The following SLC17A8 variants were observed in gnomAD, a reference collection of about 807,000 sequenced individuals.
SLC17A8 encodes the protein vesicular glutamate transporter 3.
SLC17A8 carries 31 observed loss-of-function variants against 58.0 expected under a neutral mutation model. The ratio of observed to expected loss-of-function variants is 0.53; its 90% CI spans 0.40 to 0.72. SLC17A8 has a LOEUF of 0.72. Ranked by LOEUF, SLC17A8 falls within the 30% of genes least tolerant of loss-of-function variation. SLC17A8 has a pLI of 0.00. For synonymous variants in SLC17A8, 228 were observed against 249.0 expected, an observed-to-expected ratio of 0.92 and a Z score of 0.79; for missense variants, 655 against 727.8, an observed-to-expected ratio of 0.90 and a Z score of 1.15.
At chr12:100,390,271 A>G (rs1269124211) in intron 2 of SLC17A8, among the ~76,000 whole-genome samples, 1 of 151,898 alleles carries the variant, frequency 6.6e-6, no homozygotes. Context: ...ATTAATATAA[A>G]TACATATATA....
At chr12:100,397,983 T>C (rs747369217) in intron 5 of SLC17A8, among the ~76,000 whole-genome samples, 1 of 151,952 alleles carries the variant, frequency 6.6e-6, no homozygotes, top group Non-Finnish European at 1.5e-5. Flanking sequence ...AGTCACAGTG[T>C]GGCCTAGGCA....
intron 10 of SLC17A8, among the ~76,000 whole-genome samples, chr12:100,417,236 A>G (rs994245434): frequency 1.3e-5 from 2 of 152,218 alleles, no homozygotes; most frequent in African/African-American, 4.8e-5. Flanking sequence ...GAAGACCTCA[A>G]AGAGAGGGAG....
rs1487768158 is a variant in SLC17A8, at chr12:100,380,963, A to C, written c.354+10A>C. ...AAAACCGGAAATTCAGGTTGGTATC[A>C]GTCCATGGTGGAAGACTTTTCTTTT... On this transcript the variant is annotated intron_variant, in intron 2 of 11. Coordinates refer to ENST00000323346, the MANE Select transcript of SLC17A8 (RefSeq NM_139319.3). 6.2e-7 allele frequency: 1 copy of C among 1,613,906 alleles called. No homozygotes were observed. Among genetic ancestry groups the C allele is most frequent in the South Asian group, 1.1e-5 (1 of 91,066 alleles).
intron 1 of SLC17A8, among the ~76,000 whole-genome samples, chr12:100,377,471 C>T (rs182082789): frequency 6.6e-6 from 1 of 151,238 alleles, no homozygotes; most frequent in African/African-American, 2.4e-5. Flanking sequence ...TAAAGTCACA[C>T]AGCTGAGTAA....
At chr12:100,393,965 G>A (rs1037936633) in intron 4 of SLC17A8, among the ~76,000 whole-genome samples, 8 of 152,314 alleles carry the variant, frequency 5.3e-5, no homozygotes, top group African/African-American at 1.9e-4. Flanking sequence ...CAACCCTGCT[G>A]TTATAGTGCA....
intron 10 of SLC17A8, among the ~76,000 whole-genome samples, chr12:100,413,716 G>A (rs773717185): frequency 6.6e-5 from 10 of 152,106 alleles, no homozygotes; most frequent in African/African-American, 1.2e-4. Context: ...TGGCTTACGC[G>A]TGTAATCGCA....
At chr12:100,377,675 G>A (rs146683674) in intron 1 of SLC17A8, among the ~76,000 whole-genome samples, 1 of 138,296 alleles carries the variant, frequency 7.2e-6, no homozygotes, top group African/African-American at 2.7e-5. Context: ...TGCAGCCTCC[G>A]CCTCCCAGAT....
intron 5 of SLC17A8, among the ~76,000 whole-genome samples, chr12:100,401,529 T>C (rs1173928268): frequency 6.6e-6 from 1 of 152,094 alleles, no homozygotes; most frequent in East Asian, 1.9e-4. Context: ...AATTCCAAAC[T>C]GTGATGCTGG....
At chr12:100,382,084 A>T (rs1952641799) in intron 2 of SLC17A8, among the ~76,000 whole-genome samples, 1 of 152,228 alleles carries the variant, frequency 6.6e-6, no homozygotes, top group African/African-American at 2.4e-5. Context: ...GATGCACAGG[A>T]TTCCATCCAC....
intron 9 of SLC17A8, among the ~76,000 whole-genome samples, chr12:100,407,341 G>A (rs889940866): frequency 6.6e-5 from 10 of 152,100 alleles, no homozygotes; most frequent in African/African-American, 2.4e-4. Flanking sequence ...ATATTTTGTG[G>A]GAATGTCTTG....
At chr12:100,384,963 C>T (rs1952662711) in intron 2 of SLC17A8, among the ~76,000 whole-genome samples, 1 of 152,142 alleles carries the variant, frequency 6.6e-6, no homozygotes, top group African/African-American at 2.4e-5. Flanking sequence ...TCACTGCCCT[C>T]CACAGTGGAA....
rs181555881 is a variant in SLC17A8, at chr12:100,393,306, C to T, written c.474-63C>T. On this transcript the variant is annotated intron_variant, in intron 3 of 11. Coordinates refer to ENST00000323346, the MANE Select transcript of SLC17A8 (RefSeq NM_139319.3). ...TGAACTGTTAGGTTTGTTTCTGGTG[C>T]TTAGCTGAAGTAGCACATCCATCAG... The T allele has an allele frequency of 5.1e-5, 56 of 1,096,040 alleles. No homozygotes were observed. The East Asian group carries it at 1.1e-3, about 23-fold the overall frequency. 67.9% of individuals were successfully genotyped at this position (1,096,040 alleles called of 1,614,324 possible). A position where few individuals can be genotyped will look rare whatever the true frequency, so the allele number is the denominator to read the frequency against.
At chr12:100,383,632 A>T (rs1003313451) in intron 2 of SLC17A8, among the ~76,000 whole-genome samples, 1 of 152,222 alleles carries the variant, frequency 6.6e-6, no homozygotes, top group Non-Finnish European at 1.5e-5. Flanking sequence ...AATAAGCAGT[A>T]TGAATAGGTA....
chr12:100,392,875 A>C (rs1244443204), intron 3 of SLC17A8, among the ~76,000 whole-genome samples: 3 of 152,176 alleles, frequency 2.0e-5, no homozygotes, highest in Admixed American at 2.0e-4. Context: ...ATACAGTAAC[A>C]GTCAGAAAAG....
chr12:100,414,377 A>G (rs1952891751), intron 10 of SLC17A8, among the ~76,000 whole-genome samples: 1 of 152,264 alleles, frequency 6.6e-6, no homozygotes, highest in Admixed American at 6.5e-5. Flanking sequence ...AATTAAAAGT[A>G]ACTTGCAGCT....
At chr12:100,378,760 G>A (rs1952611899) in intron 1 of SLC17A8, among the ~76,000 whole-genome samples, 1 of 152,166 alleles carries the variant, frequency 6.6e-6, no homozygotes, top group African/African-American at 2.4e-5. Flanking sequence ...AGGCCGGCAG[G>A]TAGGTAGGTA....
chr12:100,403,516 C>T (rs534307311), intron 8 of SLC17A8, among the ~76,000 whole-genome samples: 1 of 152,046 alleles, frequency 6.6e-6, no homozygotes, highest in Non-Finnish European at 1.5e-5. Flanking sequence ...AAGAAAGAAC[C>T]TCTTTCAATG....
intron 4 of SLC17A8, among the ~76,000 whole-genome samples, chr12:100,393,808 T>C (rs754013395): frequency 1.3e-5 from 2 of 152,144 alleles, no homozygotes; most frequent in Non-Finnish European, 2.9e-5. Context: ...ACTAAAACAA[T>C]TTAAGTGGAT....
chr12:100,378,132 A>G (rs1001164499), intron 1 of SLC17A8, among the ~76,000 whole-genome samples: 31 of 152,166 alleles, frequency 2.0e-4, no homozygotes, highest in Admixed American at 1.0e-3. Context: ...CATAGACAGA[A>G]AGCAAGAGAC....
Sources: gnomAD v4.1 joint callset for allele counts (sites outside exome capture counted in the v4.1 genomes callset) on GRCh38, gnomAD v4.1.1 for gene constraint, MANE v1.5 for transcripts, NCBI Gene and HGNC (gene_info 2026-07-23, HGNC 2026-07-21) for gene names.